OSBPL9: variants seen among roughly 807,000 people sequenced by gnomAD.
The protein encoded by OSBPL9 is oxysterol binding protein like 9.
OSBPL9 carries 40 observed loss-of-function variants against 106.6 expected under a neutral mutation model. The observed-to-expected ratio is 0.38, with a 90% CI of 0.29 to 0.49. The LOEUF is 0.49. OSBPL9 is among the 20% of genes least tolerant of loss of function. The probability of loss-of-function intolerance (pLI) is 0.97; values close to 1 mark genes in which losing one functional copy is unlikely to be tolerated. For missense variants in OSBPL9, 609 were observed against 887.2 expected (o/e 0.69, Z 3.98); for synonymous variants, 269 against 295.4 (o/e 0.91, Z 0.92).
At chr1:51,589,091 TTTTC>T (rs1388333429) in intron 1 of OSBPL9, among the ~76,000 whole-genome samples, 3 of 139,344 alleles carry the variant, frequency 2.2e-5, no homozygotes, top group South Asian at 2.2e-4. Context: ...TTTTCTTTTC[TTTTC>T]TTTTTTTTTT....
chr1:51,705,795 A>AT (rs1311624484), intron 3 of OSBPL9, among the ~76,000 whole-genome samples: 2 of 151,938 alleles, frequency 1.3e-5, no homozygotes, highest in Non-Finnish European at 1.5e-5. Flanking sequence ...ATGTTGATCG[A>AT]TTTTTTTTCA....
chr1:51,666,137 C>T (rs1183329639), intron 2 of OSBPL9, among the ~76,000 whole-genome samples: 6 of 152,140 alleles, frequency 3.9e-5, no homozygotes, highest in Non-Finnish European at 4.4e-5. Context: ...TGTGAGCCGC[C>T]GCACCCGGCC....
chr1:51,629,087 G>C (rs1021746732), intron 1 of OSBPL9, among the ~76,000 whole-genome samples: 1 of 152,078 alleles, frequency 6.6e-6, no homozygotes, highest in Non-Finnish European at 1.5e-5. Context: ...GACAGGTCTA[G>C]CATGGTTGAT....
At chr1:51,768,784 T>A (rs1032294142) in intron 12 of OSBPL9, among the ~76,000 whole-genome samples, 1 of 152,232 alleles carries the variant, frequency 6.6e-6, no homozygotes, top group Non-Finnish European at 1.5e-5. Context: ...CTCATGGGCT[T>A]CTTCTATTCC....
chr1:51,563,892 C>T, the OSBPL9 span, among the ~76,000 whole-genome samples: 4 of 151,102 alleles, frequency 2.6e-5, no homozygotes, highest in African/African-American at 9.8e-5. Flanking sequence ...CCGGCCTGGG[C>T]AATATAGTGA....
intron 1 of OSBPL9, among the ~76,000 whole-genome samples, chr1:51,589,252 C>T (rs1645261569): frequency 6.6e-6 from 1 of 152,076 alleles, no homozygotes; most frequent in Non-Finnish European, 1.5e-5. Flanking sequence ...CCATGCACAG[C>T]TAATTTTTGT....
chr1:51,723,481 C>A (rs893693539), intron 4 of OSBPL9, among the ~76,000 whole-genome samples: 3 of 151,964 alleles, frequency 2.0e-5, no homozygotes, highest in Non-Finnish European at 4.4e-5. Flanking sequence ...CTTGATAGCT[C>A]ATTTCTTTCC....
intron 3 of OSBPL9, among the ~76,000 whole-genome samples, chr1:51,711,006 A>T (rs1367199097): frequency 2.0e-5 from 3 of 150,846 alleles, no homozygotes; most frequent in Non-Finnish European, 4.4e-5. Flanking sequence ...CATACGCTGT[A>T]TTGCTTACCC....
chr1:51,621,026 C>T (rs1183007032), intron 1 of OSBPL9, among the ~76,000 whole-genome samples: 2 of 152,082 alleles, frequency 1.3e-5, no homozygotes, highest in African/African-American at 2.4e-5. Context: ...CTGTGCCCAG[C>T]CTATTATAGA....
chr1:51,712,084 C>T (rs1156379905), intron 3 of OSBPL9, among the ~76,000 whole-genome samples: 1 of 151,906 alleles, frequency 6.6e-6, no homozygotes, highest in East Asian at 1.9e-4. Flanking sequence ...TAGGTTGTAG[C>T]GAGCCGAGAT....
chr1:51,729,895 G>A lies in OSBPL9; in HGVS notation c.319-15641G>A. ...TGCACCGCAGTCCGGGGATCGGGTC[G>A]AGGGGAGAAGAAAAAGGGGTGCTCG... is the stretch of plus-strand genomic sequence containing the variant. On this transcript the variant is annotated intron_variant, in intron 4 of 23. Transcript: ENST00000428468. The surrounding 1 kb of genome is among the most constrained non-coding windows in gnomAD (Gnocchi z 5.1). The A allele has an allele frequency of 7.9e-7, 1 of 1,269,974 alleles. No individual in the cohort carries two copies. 78.7% of individuals were successfully genotyped at this position (1,269,974 alleles called of 1,614,324 possible).
At chr1:51,679,959 C>T (rs1490345316) in intron 3 of OSBPL9, among the ~76,000 whole-genome samples, 3 of 151,908 alleles carry the variant, frequency 2.0e-5, no homozygotes, top group African/African-American at 4.8e-5. Context: ...CAATACTATC[C>T]ACAGTTTCAG....
chr1:51,683,846 A>G lies in OSBPL9; in HGVS notation c.241+14334A>G, dbSNP rs1294321655. 4.6e-5 allele frequency among the ~76,000 whole-genome samples: 7 copies of G among 152,188 alleles called. No homozygotes were observed. The East Asian group carries it at 1.2e-3, about 25-fold the overall frequency. Reference sequence around the variant, plus strand: ...GATAAAATGGATGAACCTGAAGGACATTATTCATTTAAATGTATAAACTTT... The same window carrying G: ...GATAAAATGGATGAACCTGAAGGACGTTATTCATTTAAATGTATAAACTTT... On this transcript the variant is annotated intron_variant, in intron 3 of 23. Coordinates refer to ENST00000428468, the MANE Select transcript of OSBPL9 (RefSeq NM_024586.6).
intron 2 of OSBPL9, among the ~76,000 whole-genome samples, chr1:51,660,306 C>T (rs553908208): frequency 1.3e-4 from 20 of 152,084 alleles, no homozygotes; most frequent in African/African-American, 3.9e-4. Context: ...GATTTGACAA[C>T]ATTCAAAATT....
chr1:51,719,676 A>G (rs1430787337), intron 4 of OSBPL9, among the ~76,000 whole-genome samples: 1 of 152,206 alleles, frequency 6.6e-6, no homozygotes, highest in African/African-American at 2.4e-5. Context: ...AAACTCTTGC[A>G]GGCTGTGAAT....
chr1:51,529,997 C>T, the OSBPL9 span, among the ~76,000 whole-genome samples: 8 of 150,776 alleles, frequency 5.3e-5, no homozygotes, highest in South Asian at 6.3e-4. Context: ...CGGTGAAACC[C>T]GTGTCTACTA....
chr1:51,677,550 C>CTT (rs199805610), intron 3 of OSBPL9, among the ~76,000 whole-genome samples: 2 of 145,838 alleles, frequency 1.4e-5, no homozygotes. Context: ...TTACGGAAAA[C>CTT]TTTTTTTTTT....
intron 8 of OSBPL9, 38 bp from the exon 9 acceptor site, chr1:51,756,282 T>C (rs768404924): frequency 6.4e-7 from 1 of 1,573,250 alleles, no homozygotes; most frequent in South Asian, 1.1e-5. Context: ...TACTTACATG[T>C]AAGAATGAAG....
the OSBPL9 span, among the ~76,000 whole-genome samples, chr1:51,557,477 T>C: frequency 6.6e-6 from 1 of 152,196 alleles, no homozygotes; most frequent in Admixed American, 6.5e-5. Flanking sequence ...TTTGCCCCCA[T>C]TGCCCTTACA....
Sources: allele counts gnomAD v4.1 joint callset (sites outside exome capture counted in the v4.1 genomes callset), GRCh38; gene constraint gnomAD v4.1.1; non-coding constraint Gnocchi (gnomAD v3.1); transcripts MANE v1.5; gene names NCBI Gene and HGNC (gene_info 2026-07-23, HGNC 2026-07-21).